The following MLIP variants were observed in gnomAD, a reference collection of about 807,000 sequenced individuals.
MLIP encodes muscular LMNA interacting protein.
MLIP carries 79 observed loss-of-function variants against 84.8 expected under a neutral mutation model. The observed-to-expected ratio is 0.93, with a 90% CI of 0.78 to 1.12. The LOEUF is 1.12. Ranked by LOEUF, MLIP falls within the 50% of genes most tolerant of loss-of-function variation. MLIP has a pLI of 0.00. For synonymous variants in MLIP, 504 were observed against 463.0 expected (o/e 1.09, Z -1.14); for missense variants, 1,257 against 1,160.6 (o/e 1.08, Z -1.21).
intron 1 of MLIP, chr6:54,028,792 C>T (rs532391858): frequency 6.6e-6 from 1 of 152,142 alleles, no homozygotes; most frequent in African/African-American, 2.4e-5. Context: ...TTCTTTTCAG[C>T]CCTTCTTTAC....
At position 54,069,517 on chromosome 6, in the gene MLIP, T is replaced by C. The variant is rs1341955706; in HGVS notation, c.63+50426T>C. On this transcript the variant is annotated intron_variant, in intron 1 of 12. Transcript: ENST00000274897. ...AATCTGAGGATGTTCAAGTCCCTGA[T>C]ATAAAATGGTGTAGTATTTGCATAT... Among the ~76,000 whole-genome samples the C allele has an allele frequency of 3.0e-5, 3 of 100,090 alleles. 1 individual carries two copies. The highest frequency in any genetic ancestry group is 5.7e-5 in the Non-Finnish European group (2 of 34,836). 65.7% of individuals were successfully genotyped at this position (100,090 alleles called of 152,430 possible). A position where few individuals can be genotyped will look rare whatever the true frequency, so the allele number is the denominator to read the frequency against.
At chr6:54,187,772 C>A (rs1029998382) in intron 9 of MLIP, among the ~76,000 whole-genome samples, 1 of 152,210 alleles carries the variant, frequency 6.6e-6, no homozygotes, top group Non-Finnish European at 1.5e-5. Context: ...GTGATTTCAT[C>A]ATTATGTGAG....
At position 54,136,753 on chromosome 6, in the gene MLIP, T is replaced by C. The variant is rs1488004313; in HGVS notation, c.684T>C (p.Cys228=). 3 of 1,513,880 alleles carry C rather than the reference T, an allele frequency of 2.0e-6. No homozygotes were observed. Among genetic ancestry groups the C allele is most frequent in the Non-Finnish European group, 2.7e-6 (3 of 1,129,972 alleles). 93.8% of individuals were successfully genotyped at this position (1,513,880 alleles called of 1,614,324 possible). The change falls in exon 4 of 14, where the codon TGT becomes TGC. Residue 228 remains cysteine, a synonymous_variant. Coordinates refer to ENST00000502396, the MANE Select transcript of MLIP (RefSeq NM_001281747.2). The part of the protein sequence containing the change: ...SSPTTSEQLA[C]KPPAFSFVSP... ...CCACTACCTCTGAGCAGCTTGCCTG[T>C]AAACCACCTGCTTTCTCCTTTGTTT...
In MLIP at chr6:54,230,937, A is replaced by T. The variant is rs1780958036; in HGVS notation, c.2922+20A>T. ...AACAAGGTGAGAACTCCTCCCCAAA[A>T]TGAGGACTATTCTATTCTGTGAACC... is the stretch of plus-strand genomic sequence containing the variant. On this transcript the variant is annotated intron_variant, in intron 12 of 13. Transcript: ENST00000502396. The T allele has an allele frequency of 6.2e-7, 1 of 1,608,070 alleles. No homozygotes were observed. The highest frequency in any genetic ancestry group is 8.5e-7 in the Non-Finnish European group (1 of 1,174,924).
intron 4 of MLIP, among the ~76,000 whole-genome samples, chr6:54,141,923 C>T (rs564462553): frequency 6.6e-6 from 1 of 152,292 alleles, no homozygotes; most frequent in East Asian, 1.9e-4. Flanking sequence ...ATTTAGGGAA[C>T]AAGTTGAGAG....
In MLIP at chr6:54,201,108, G is replaced by T. The variant is rs372834063; in HGVS notation, c.2590-997G>T. On this transcript the variant is annotated intron_variant, in intron 10 of 13. Transcript: ENST00000502396. ...CGTCAATCTTTCTGTGACATTTTAC[G>T]GGGTAACAAGATTTTGGTGTTTGTG... 4.5e-4 allele frequency among the ~76,000 whole-genome samples: 68 copies of T among 152,130 alleles called. 1 individual carries two copies. The highest frequency in any genetic ancestry group is 7.9e-4 in the Non-Finnish European group (54 of 68,036).
upstream of MLIP, among the ~76,000 whole-genome samples, chr6:54,110,045 C>T (rs1322504121): frequency 2.0e-5 from 3 of 147,938 alleles, no homozygotes; most frequent in Non-Finnish European, 3.0e-5. Context: ...TGCAGTGGCG[C>T]GATATTGGCT....
chr6:54,263,754 T>C (rs996394444), intron 13 of MLIP, among the ~76,000 whole-genome samples: 6 of 152,222 alleles, frequency 3.9e-5, no homozygotes, highest in African/African-American at 7.2e-5. Flanking sequence ...TTGACTGTGT[T>C]CCAGAATTAT....
chr6:54,023,053 G>A (rs979329234), intron 1 of MLIP, among the ~76,000 whole-genome samples: 41 of 152,102 alleles, frequency 2.7e-4, no homozygotes, highest in African/African-American at 9.2e-4. Context: ...TGTAGTCCCA[G>A]CTGCTCGGGA....
chr6:54,235,417 A>G lies in MLIP; in HGVS notation c.2922+4500A>G, dbSNP rs1322039157. Among the ~76,000 whole-genome samples the G allele has an allele frequency of 2.0e-5, 3 of 152,166 alleles. No homozygotes were observed. In the East Asian group the frequency reaches 5.8e-4, roughly 29 times the overall value. ...CTTTTGTGACATTTCTCCATGCATC[A>G]GTACTCAAAATGATTTGTTTTCTCC... is the stretch of plus-strand genomic sequence containing the variant. On this transcript the variant is annotated intron_variant, in intron 12 of 13. Transcript: ENST00000502396.
At chr6:54,141,310 G>T (rs1339075109) in intron 4 of MLIP, among the ~76,000 whole-genome samples, 4 of 87,818 alleles carry the variant, frequency 4.6e-5, no homozygotes, top group African/African-American at 6.9e-5. Context: ...TGCTCAGCCT[G>T]CCTTTTTTTT....
chr6:54,215,310 T>C (rs1779780054), intron 11 of MLIP: 1 of 1,385,806 alleles, frequency 7.2e-7, no homozygotes, highest in African/African-American at 1.5e-5. Flanking sequence ...GAACATGGGC[T>C]CTTGTGATTT....
At chr6:54,164,443 C>T (rs1774976882) in intron 8 of MLIP, among the ~76,000 whole-genome samples, 1 of 151,914 alleles carries the variant, frequency 6.6e-6, no homozygotes, top group Non-Finnish European at 1.5e-5. Context: ...TTGAAGCTAA[C>T]ATAGCTTTTT....
Position 54,078,315 on chromosome 6 carries a change from G to A in MLIP, c.64-43132G>A, listed in dbSNP as rs149682123. ...GGCATAGAGTAATGTCAGCAGCTAGGCATGGTGGCTCATGCTTGTAATCCC... is the reference window on the plus strand; with the variant it reads ...GGCATAGAGTAATGTCAGCAGCTAGACATGGTGGCTCATGCTTGTAATCCC... On this transcript the variant is annotated intron_variant, in intron 1 of 12. Coordinates refer to the MLIP transcript ENST00000274897. 3.9e-5 allele frequency among the ~76,000 whole-genome samples: 6 copies of A among 152,304 alleles called. No individual in the cohort carries two copies. The East Asian group carries it at 9.6e-4, about 24-fold the overall frequency.
At chr6:54,041,753 A>G (rs1185954347) in intron 1 of MLIP, among the ~76,000 whole-genome samples, 1 of 151,962 alleles carries the variant, frequency 6.6e-6, no homozygotes, top group Non-Finnish European at 1.5e-5. Context: ...GATTTTTGTC[A>G]TTGGCAAAGT....
intron 9 of MLIP, among the ~76,000 whole-genome samples, chr6:54,180,913 T>G (rs1296749651): frequency 6.6e-6 from 1 of 152,310 alleles, no homozygotes; most frequent in East Asian, 1.9e-4. Context: ...TGTTTGTCAG[T>G]GTCTCAACAT....
Position 54,040,758 on chromosome 6 carries a change from T to C in MLIP, c.63+21667T>C, listed in dbSNP as rs1582011964. 2.6e-5 allele frequency among the ~76,000 whole-genome samples: 4 copies of C among 152,204 alleles called. No individual in the cohort carries two copies. In the South Asian group the frequency reaches 6.2e-4, roughly 24 times the overall value. The stretch of plus-strand genomic sequence containing the variant: ...CATAAAAAAGATAGAAATCATGTCC[T>C]TTGCAGCAACATGGATGGAGCTGGA... On this transcript the variant is annotated intron_variant, in intron 1 of 12. Transcript: ENST00000274897.
rs1300515702 is a variant in MLIP, at chr6:54,252,249, ATATAT to A, written c.2923-5054_2923-5050del. Among the ~76,000 whole-genome samples, 66 of 112,424 alleles carry A rather than the reference ATATAT, an allele frequency of 5.9e-4. 2 individuals are homozygous for A. The highest frequency in any genetic ancestry group is 2.3e-3 in the African/African-American group (61 of 26,100). 73.8% of individuals were successfully genotyped at this position (112,424 alleles called of 152,430 possible). On this transcript the variant is annotated intron_variant, in intron 12 of 13. Coordinates refer to ENST00000502396, the MANE Select transcript of MLIP (RefSeq NM_001281747.2). ...TTATAACATATAATATATAAGTATA[ATATAT>A]TATAACATATAATATATAATATAAC... is the stretch of plus-strand genomic sequence containing the variant.
intron 1 of MLIP, among the ~76,000 whole-genome samples, chr6:54,073,955 C>T (rs559700209): frequency 6.6e-6 from 1 of 152,296 alleles, no homozygotes; most frequent in African/African-American, 2.4e-5. Context: ...AAAATTCTTG[C>T]AAGCAGCAAT....
Sources: gnomAD v4.1 joint callset for allele counts (sites outside exome capture counted in the v4.1 genomes callset) on GRCh38, gnomAD v4.1.1 for gene constraint, MANE v1.5 for transcripts, NCBI Gene and HGNC (gene_info 2026-07-23, HGNC 2026-07-21) for gene names.